DCHS1: variants seen among roughly 807,000 people sequenced by gnomAD.
The protein encoded by DCHS1 is protocadherin-16.
A neutral mutation model predicts 213.9 loss-of-function variants in DCHS1; 78 were observed. The observed-to-expected ratio is 0.36, with a 90% CI of 0.30 to 0.44. The LOEUF (loss-of-function observed/expected upper bound fraction) is 0.44. DCHS1 is among the 20% of genes least tolerant of loss of function. The pLI is 1.00. For synonymous variants in DCHS1, 1,828 were observed against 1,873.7 expected, an observed-to-expected ratio of 0.98 and a Z score of 0.63; for missense variants, 3,946 against 4,395.9, an observed-to-expected ratio of 0.90 and a Z score of 2.89.
rs535256428 is a variant in DCHS1, at chr11:6,623,998, G to C, written c.7678C>G (p.Leu2560Val). ...ALGCLVLLEP[L>V]DFESLTQYNL... ...TACTGTGTCAGGCTTTCAAAGTCTA[G>C]AGGTTCAAGCAACACCAGGCAGCCC... The change falls in exon 21 of 21, where the codon CTA (leucine) becomes GTA (valine). Residue 2560 changes from leucine (L) to valine (V), a missense_variant. Physicochemically the swap from Leu to Val is conservative, Grantham distance 32 (BLOSUM62 1). Around this residue, in one of 3 missense-constraint regions of DCHS1, gnomAD observed 3,384 missense variants for 3,780.1 expected, o/e 0.90. Transcript: ENST00000299441. 1 of 1,612,648 alleles carries C rather than the reference G, an allele frequency of 6.2e-7. No homozygotes were observed. The highest frequency in any genetic ancestry group is 1.3e-5 in the African/African-American group (1 of 75,044).
chr11:6,648,602 C>T (rs1039914944), intron 1 of DCHS1, among the ~76,000 whole-genome samples: 1 of 152,130 alleles, frequency 6.6e-6, no homozygotes, highest in African/African-American at 2.4e-5. Context: ...CTTACTACAC[C>T]CCTAGAATAG....
chr11:6,653,538 A>G (rs922327341), intron 1 of DCHS1, among the ~76,000 whole-genome samples: 1 of 152,254 alleles, frequency 6.6e-6, no homozygotes, highest in Non-Finnish European at 1.5e-5. Context: ...TAATTAATCT[A>G]CTGAAAACAA....
At position 6,632,495 on chromosome 11, in the gene DCHS1, C is replaced by G. The variant is rs761692505; in HGVS notation, c.3017G>C (p.Arg1006Pro). 6.4e-7 allele frequency: 1 copy of G among 1,573,608 alleles called. No homozygotes were observed. The highest frequency in any genetic ancestry group is 1.4e-5 in the African/African-American group (1 of 73,970). The change falls in exon 6 of 21, where the codon CGT becomes CCT. Residue 1006 changes from arginine to proline, a missense_variant. Arg to Pro is a moderately radical substitution (Grantham distance 103, BLOSUM62 -2). This residue lies in a region of DCHS1 where 3,384 missense variants were observed against 3,780.1 expected (regional missense o/e 0.90). Coordinates refer to ENST00000299441, the MANE Select transcript of DCHS1 (RefSeq NM_003737.4). The surrounding 1 kb of genome is among the most constrained non-coding windows in gnomAD (Gnocchi z 5.9). Reference protein sequence around the residue: ...LAPRFNSPTYRVDLPSGTTAG... With the variant: ...LAPRFNSPTYPVDLPSGTTAG... ...AGTGGTGCCTGAGGGCAGGTCCACA[C>G]GGTAGGTAGGGCTGTTGAATCGGGG...
chr11:6,629,982 C>T lies in DCHS1; in HGVS notation c.4795+17G>A. ...ATCAGCACCTTCCTCGCCCTCACTC[C>T]CAGACCTAACTCTCACCAGTGCTTG... On this transcript the variant is annotated intron_variant, in intron 10 of 20. Coordinates refer to ENST00000299441, the MANE Select transcript of DCHS1 (RefSeq NM_003737.4). 6.3e-7 allele frequency: 1 copy of T among 1,582,980 alleles called. No homozygotes were observed. The highest frequency in any genetic ancestry group is 2.2e-5 in the East Asian group (1 of 44,476).
chr11:6,643,234 A>G (rs1856107543), intron 1 of DCHS1, among the ~76,000 whole-genome samples: 1 of 152,208 alleles, frequency 6.6e-6, no homozygotes, highest in Admixed American at 6.5e-5. Flanking sequence ...GTGAGAGCAC[A>G]GACTGAAGAT....
chr11:6,633,141 G>A (rs2134632567), intron 5 of DCHS1, 85 bp from the exon 6 acceptor site: 1 of 1,471,706 alleles, frequency 6.8e-7, no homozygotes, highest in Non-Finnish European at 9.2e-7. Context: ...GAGAAGGACT[G>A]GGCAGTGCCC....
rs776680299 is a variant in DCHS1, at chr11:6,640,201, G to C, written c.1413C>G (p.Ala471=). The change falls in exon 2 of 21, where the codon GCC becomes GCG. Residue 471 remains alanine, a synonymous_variant. Transcript: ENST00000299441. This position sits in a 1 kb window ranked among gnomAD's most constrained non-coding sequence, Gnocchi z 6.5. ...CAGGTCGGTAGAGCTGGCGGTCAAA[G>C]GCAGGTGCATTGTCGTTGACATCAG... is the stretch of plus-strand genomic sequence containing the variant. ...HVTDVNDNAP[A]FDRQLYRPEP... The C allele has an allele frequency of 6.2e-7, 1 of 1,613,632 alleles. No individual in the cohort carries two copies. The highest frequency in any genetic ancestry group is 1.1e-5 in the South Asian group (1 of 90,988).
Position 6,630,353 on chromosome 11 carries a change from G to A in DCHS1, c.4441C>T (p.Pro1481Ser). The change falls in exon 10 of 21, where the codon CCG (proline) becomes TCG (serine). Residue 1481 changes from proline to serine, a missense_variant. Physicochemically the swap from Pro to Ser is moderately conservative, Grantham distance 74. This residue lies in a region of DCHS1 where 3,384 missense variants were observed against 3,780.1 expected (regional missense o/e 0.90). Coordinates refer to ENST00000299441, the MANE Select transcript of DCHS1 (RefSeq NM_003737.4). Reference protein sequence around the residue: ...DVRYRLLRQEPPVPALRLDAR... With the variant: ...DVRYRLLRQESPVPALRLDAR... ...TCCAGGCGAAGCGCCGGCACGGGCG[G>A]CTCCTGGCGCAGCAGGCGGTAGCGC... 1 of 1,313,736 alleles carries A rather than the reference G, an allele frequency of 7.6e-7. No individual in the cohort carries two copies. Among genetic ancestry groups the A allele is most frequent in the Non-Finnish European group, 9.7e-7 (1 of 1,033,522 alleles). The allele number at this position is 1,313,736 out of a possible 1,614,324, so 81.4% of individuals were successfully genotyped here. A position where few individuals can be genotyped will look rare whatever the true frequency, so the allele number is the denominator to read the frequency against.
intron 1 of DCHS1, among the ~76,000 whole-genome samples, chr11:6,643,954 T>G (rs548802866): frequency 6.6e-6 from 1 of 152,218 alleles, no homozygotes; most frequent in African/African-American, 2.4e-5. Context: ...CAATTAGTCA[T>G]GTAAACCCCA....
At chr11:6,645,185 C>CT (rs1268644788) in intron 1 of DCHS1, among the ~76,000 whole-genome samples, 1 of 152,226 alleles carries the variant, frequency 6.6e-6, no homozygotes, top group Non-Finnish European at 1.5e-5. Context: ...CCCTCTCTGC[C>CT]TTCATCCCAG....
chr11:6,630,779 C>CA lies in DCHS1; in HGVS notation c.4014_4015insT (p.Val1339CysfsTer5), dbSNP rs1564864258. The CA allele has an allele frequency of 6.5e-7, 1 of 1,547,578 alleles. No homozygotes were observed. Among genetic ancestry groups the CA allele is most frequent in the South Asian group, 1.2e-5 (1 of 83,932 alleles). ...GGCCGCAGTCCCTCAGCTGCTGTCA[C>CA]CGTCAGCACGACAGGCACTGGTGCC... On this transcript the variant is annotated frameshift_variant, in exon 10 of 21. Transcript: ENST00000299441. LOFTEE classifies it high-confidence loss of function.
intron 2 of DCHS1, among the ~76,000 whole-genome samples, chr11:6,638,271 G>A (rs1446796671): frequency 6.6e-6 from 1 of 152,206 alleles, no homozygotes; most frequent in African/African-American, 2.4e-5. Context: ...AGCCTCCTAA[G>A]AGGACTCCCT....
At position 6,626,758 on chromosome 11, in the gene DCHS1, C is replaced by T. The variant is rs2134618521; in HGVS notation, c.6250+31G>A. The T allele has an allele frequency of 1.2e-6, 2 of 1,609,060 alleles. No individual in the cohort carries two copies. Among genetic ancestry groups the T allele is most frequent in the Non-Finnish European group, 1.7e-6 (2 of 1,177,566 alleles). The stretch of plus-strand genomic sequence containing the variant: ...GCACAACCCCAGCCCATTTGGGAGT[C>T]TGAATCTGGAAGAAATGGCTGGGGA... On this transcript the variant is annotated intron_variant, in intron 14 of 20. Coordinates refer to ENST00000299441, the MANE Select transcript of DCHS1 (RefSeq NM_003737.4). This position sits in a 1 kb window ranked among gnomAD's most constrained non-coding sequence, Gnocchi z 5.2.
Position 6,626,311 on chromosome 11 carries a change from T to C in DCHS1, c.6434A>G (p.Gln2145Arg), listed in dbSNP as rs1855803039. ...EVSPRLRLVLQAESGGAFAFT... is the reference protein window; with the variant it reads ...EVSPRLRLVLRAESGGAFAFT... Reference sequence around the variant, plus strand: ...GGCAAAGGCTCCTCCACTCTCTGCCTGCAGCACCAGTCGCAGCCGTGGACT... The same window carrying C: ...GGCAAAGGCTCCTCCACTCTCTGCCCGCAGCACCAGTCGCAGCCGTGGACT... The change falls in exon 16 of 21, where the codon CAG (glutamine) becomes CGG (arginine). Residue 2145 changes from glutamine (Q) to arginine (R), a missense_variant. By Grantham distance (43) the Gln-to-Arg change is conservative (BLOSUM62 1). Coordinates refer to ENST00000299441, the MANE Select transcript of DCHS1 (RefSeq NM_003737.4). This position sits in a 1 kb window ranked among gnomAD's most constrained non-coding sequence, Gnocchi z 5.2. 1 of 1,613,560 alleles carries C rather than the reference T, an allele frequency of 6.2e-7. No individual in the cohort carries two copies. Among genetic ancestry groups the C allele is most frequent in the Non-Finnish European group, 8.5e-7 (1 of 1,179,720 alleles).
intron 7 of DCHS1, 93 bp downstream of exon 7, chr11:6,631,523 A>C: frequency 6.3e-7 from 1 of 1,576,428 alleles, no homozygotes. Context: ...CACCCAATCC[A>C]GGAGGCAGTC....
intron 1 of DCHS1, among the ~76,000 whole-genome samples, chr11:6,650,637 G>C (rs949786401): frequency 2.0e-5 from 3 of 152,192 alleles, no homozygotes; most frequent in Non-Finnish European, 4.4e-5. Context: ...GGCTCAGGGT[G>C]GGTGAGTCCG....
chr11:6,629,951 C>T, intron 10 of DCHS1, 40 bp from the exon 11 acceptor site: 1 of 1,602,592 alleles, frequency 6.2e-7, no homozygotes, highest in African/African-American at 1.3e-5. Context: ...GACCCCAACA[C>T]TCCACATCAG....
chr11:6,650,813 T>C (rs1194883841), intron 1 of DCHS1, among the ~76,000 whole-genome samples: 1 of 152,244 alleles, frequency 6.6e-6, no homozygotes, highest in Non-Finnish European at 1.5e-5. Context: ...TGCAAACTTC[T>C]GGTACTTCTT....
chr11:6,625,013 T>C lies in DCHS1; in HGVS notation c.7147-145A>G. The stretch of plus-strand genomic sequence containing the variant: ...TACTCCTAAGTATTCGAATGGGAAA[T>C]GCCCACCTTCTCCCCTTTCTGGGTA... On this transcript the variant is annotated intron_variant, in intron 19 of 20. Coordinates refer to ENST00000299441, the MANE Select transcript of DCHS1 (RefSeq NM_003737.4). The surrounding 1 kb of genome is among the most constrained non-coding windows in gnomAD (Gnocchi z 5.3). 1 of 1,397,788 alleles carries C rather than the reference T, an allele frequency of 7.2e-7. No homozygotes were observed. The allele number at this position is 1,397,788 out of a possible 1,614,324, so 86.6% of individuals were successfully genotyped here. A position where few individuals can be genotyped will look rare whatever the true frequency, so the allele number is the denominator to read the frequency against.
Sources: allele counts gnomAD v4.1 joint callset (sites outside exome capture counted in the v4.1 genomes callset), GRCh38; gene constraint gnomAD v4.1.1; regional missense constraint gnomAD v4.1.1; non-coding constraint Gnocchi (gnomAD v3.1); transcripts MANE v1.5; gene names NCBI Gene and HGNC (gene_info 2026-07-23, HGNC 2026-07-21).